The following CDH7 variants were observed in gnomAD, a reference collection of about 807,000 sequenced individuals.
The protein encoded by CDH7 is cadherin-7.
In CDH7, 25 loss-of-function variants were observed where a neutral mutation model predicts 71.8. The observed-to-expected ratio is 0.35, with a 90% CI of 0.25 to 0.49. CDH7 has a LOEUF of 0.49. Among genes scored for constraint, CDH7 ranks in the 20% least tolerant of loss-of-function variants. CDH7 has a pLI of 0.99. For missense variants in CDH7, 862 were observed against 974.6 expected (o/e 0.88, Z 1.54); for synonymous variants, 381 against 363.8 (o/e 1.05, Z -0.54).
At position 65,881,660 on chromosome 18, in the gene CDH7, C is replaced by G. The variant is rs190591270; in HGVS notation, c.*766C>G. The G allele has an allele frequency of 6.6e-6, 1 of 152,008 alleles. No homozygotes were observed. 9.4% of individuals were successfully genotyped at this position (152,008 alleles called of 1,614,324 possible). ...TTTTTATTATCTCTTCTGATTTGTACAGGAGAATATCTTTTCTTTTTTATT... is the reference window on the plus strand; with the variant it reads ...TTTTTATTATCTCTTCTGATTTGTAGAGGAGAATATCTTTTCTTTTTTATT... On this transcript the variant is annotated 3_prime_UTR_variant, in exon 12 of 12. Transcript: ENST00000397968.
chr18:65,825,141 A>G (rs985285035), intron 6 of CDH7, among the ~76,000 whole-genome samples: 6 of 151,892 alleles, frequency 4.0e-5, no homozygotes, highest in African/African-American at 1.4e-4. Flanking sequence ...TTCTGCCTTG[A>G]CTATTCCACT....
chr18:65,780,833 A>T (rs1227311491), intron 2 of CDH7, among the ~76,000 whole-genome samples: 1 of 150,510 alleles, frequency 6.6e-6, no homozygotes, highest in Non-Finnish European at 1.5e-5. Flanking sequence ...AAACAAGGGT[A>T]GGGTTGGCAG....
chr18:65,804,619 G>T (rs1051126472), intron 2 of CDH7, among the ~76,000 whole-genome samples: 3 of 151,934 alleles, frequency 2.0e-5, no homozygotes, highest in African/African-American at 7.3e-5. Context: ...TAAAAATAAG[G>T]AGGGTAAAAA....
chr18:65,832,239 T>C (rs1357038203), intron 6 of CDH7, among the ~76,000 whole-genome samples: 2 of 152,108 alleles, frequency 1.3e-5, no homozygotes, highest in African/African-American at 2.4e-5. Flanking sequence ...TATAATAAGA[T>C]GTATTCCAGT....
chr18:65,760,766 C>T (rs1916168170), intron 1 of CDH7, among the ~76,000 whole-genome samples: 1 of 152,172 alleles, frequency 6.6e-6, no homozygotes, highest in Non-Finnish European at 1.5e-5. Flanking sequence ...CCCATACTGT[C>T]AGCCATTCCT....
At chr18:65,853,906 CATATATATATATATATATAT>C (rs4047846) in intron 7 of CDH7, among the ~76,000 whole-genome samples, 82 of 34,204 alleles carry the variant, frequency 2.4e-3, no homozygotes, top group South Asian at 7.0e-3. Flanking sequence ...CATAAATTAC[CATATATATATATATATATAT>C]ATATATATAT....
intron 2 of CDH7, among the ~76,000 whole-genome samples, chr18:65,795,719 T>C (rs1479662293): frequency 1.3e-5 from 2 of 152,158 alleles, no homozygotes; most frequent in Non-Finnish European, 2.9e-5. Flanking sequence ...CATGTTCAGG[T>C]AACATATTAT....
intron 11 of CDH7, among the ~76,000 whole-genome samples, chr18:65,868,848 T>C (rs1031465096): frequency 2.6e-5 from 4 of 152,224 alleles, no homozygotes; most frequent in African/African-American, 9.6e-5. Flanking sequence ...AATTTTGTGA[T>C]ACTTGTTTTG....
intron 11 of CDH7, among the ~76,000 whole-genome samples, chr18:65,867,596 A>G (rs1471155329): frequency 2.6e-5 from 4 of 152,196 alleles, no homozygotes; most frequent in Non-Finnish European, 5.9e-5. Flanking sequence ...TTGTACTCCT[A>G]TTCTTAAAAT....
chr18:65,862,592 G>A, intron 10 of CDH7, 74 bp from the exon 11 acceptor site: 1 of 1,437,492 alleles, frequency 7.0e-7, no homozygotes, highest in Non-Finnish European at 9.6e-7. Flanking sequence ...AGTAAATAGA[G>A]TGACTTAAAT....
chr18:65,877,808 A>T (rs1210296783), intron 11 of CDH7, among the ~76,000 whole-genome samples: 1 of 152,226 alleles, frequency 6.6e-6, no homozygotes, highest in Non-Finnish European at 1.5e-5. Flanking sequence ...TTCAGAAACT[A>T]AAGTTGTATA....
intron 5 of CDH7, among the ~76,000 whole-genome samples, chr18:65,823,853 A>T (rs981662543): frequency 6.6e-6 from 1 of 151,924 alleles, no homozygotes; most frequent in Admixed American, 6.6e-5. Context: ...GGAAAAAGTA[A>T]ATAATTAGAG....
In CDH7 at chr18:65,822,119, G is replaced by T. The variant is rs147015734; in HGVS notation, c.664G>T (p.Ala222Ser). The T allele has an allele frequency of 6.2e-7, 1 of 1,613,010 alleles. No individual in the cohort carries two copies. Among genetic ancestry groups the T allele is most frequent in the Admixed American group, 1.7e-5 (1 of 59,984 alleles). Residue 222 changes from alanine (A) to serine (S), a missense_variant, in exon 5 of 12, where the codon GCT becomes TCT. Ala to Ser is a moderately conservative substitution (Grantham distance 99). Transcript: ENST00000397968. ...TGCCCTTCCAAACATGGATAGAGAG[G>T]CTAAAGACCAGTATTTGCTTGTCAT... ...KTALPNMDRE[A>S]KDQYLLVIQA...
At position 65,886,665 on chromosome 18, in the gene CDH7, TAAAG is replaced by T. The variant is rs906265258; in HGVS notation, c.*5775_*5778del. Reference sequence around the variant, plus strand: ...TGGTCTTCCAGGCATCCAGAGTAGATAAAGAAAATGAAGTTCTAGAGAATACAAT... The same window carrying T: ...TGGTCTTCCAGGCATCCAGAGTAGATAAAATGAAGTTCTAGAGAATACAAT... On this transcript the variant is annotated 3_prime_UTR_variant, in exon 12 of 12. Coordinates refer to ENST00000397968, the MANE Select transcript of CDH7 (RefSeq NM_004361.5). 1 of 152,072 alleles carries T rather than the reference TAAAG, an allele frequency of 6.6e-6. No individual in the cohort carries two copies. The highest frequency in any genetic ancestry group is 2.4e-5 in the African/African-American group (1 of 41,434). 9.4% of individuals were successfully genotyped at this position (152,072 alleles called of 1,614,324 possible). A position where few individuals can be genotyped will look rare whatever the true frequency, so the allele number is the denominator to read the frequency against.
chr18:65,806,000 G>A (rs908437988), intron 2 of CDH7, among the ~76,000 whole-genome samples: 2 of 152,092 alleles, frequency 1.3e-5, no homozygotes, highest in African/African-American at 4.8e-5. Context: ...GAATGAAAAA[G>A]GGCTCAGATA....
At chr18:65,831,478 G>C (rs1296810283) in intron 6 of CDH7, among the ~76,000 whole-genome samples, 2 of 152,108 alleles carry the variant, frequency 1.3e-5, no homozygotes, top group African/African-American at 4.8e-5. Flanking sequence ...TTTGTAACTA[G>C]AGTTTATTTG....
intron 6 of CDH7, among the ~76,000 whole-genome samples, chr18:65,834,196 G>A (rs560136637): frequency 6.6e-6 from 1 of 152,332 alleles, no homozygotes; most frequent in South Asian, 2.1e-4. Flanking sequence ...TCTAGTTTGT[G>A]TAACTAGCTG....
At chr18:65,761,910 A>G (rs574692949) in intron 1 of CDH7, among the ~76,000 whole-genome samples, 2 of 152,334 alleles carry the variant, frequency 1.3e-5, no homozygotes, top group Admixed American at 6.5e-5. Flanking sequence ...ATAAATGTTT[A>G]TGTAGGGAGG....
chr18:65,852,956 T>G (rs770878284), intron 7 of CDH7, among the ~76,000 whole-genome samples: 15 of 152,134 alleles, frequency 9.9e-5, no homozygotes, highest in Non-Finnish European at 1.8e-4. Context: ...ATATTGAGAT[T>G]GAATTAATGA....
Sources: allele counts gnomAD v4.1 joint callset (sites outside exome capture counted in the v4.1 genomes callset), GRCh38; gene constraint gnomAD v4.1.1; transcripts MANE v1.5; gene names NCBI Gene and HGNC (gene_info 2026-07-23, HGNC 2026-07-21).